Variants in CLIP1 observed in about 807,000 individuals in gnomAD.
The protein encoded by CLIP1 is CAP-Gly domain containing linker protein 1.
A neutral mutation model predicts 161.6 loss-of-function variants in CLIP1; 66 were observed. The ratio of observed to expected loss-of-function variants is 0.41; its 90% CI spans 0.33 to 0.50. The LOEUF is 0.50. Among genes scored for constraint, CLIP1 ranks in the 20% least tolerant of loss-of-function variants. CLIP1 has a pLI of 0.27. For synonymous variants in CLIP1, 598 were observed against 626.2 expected, an observed-to-expected ratio of 0.96 and a Z score of 0.67; for missense variants, 1,376 against 1,702.0, an observed-to-expected ratio of 0.81 and a Z score of 3.37.
At position 122,362,639 on chromosome 12, in the gene CLIP1, C is replaced by CAAAAA. The variant is rs56183812; in HGVS notation, c.782+1339_782+1343dup. 3.1e-4 allele frequency among the ~76,000 whole-genome samples: 6 copies of CAAAAA among 19,130 alleles called. 1 individual carries two copies. The highest frequency in any genetic ancestry group is 1.6e-3 in the African/African-American group (6 of 3,846). 12.6% of individuals were successfully genotyped at this position (19,130 alleles called of 152,430 possible). On this transcript the variant is annotated intron_variant, in intron 4 of 25. Transcript: ENST00000620786. ...CTGGCAACAGAGCAAGACTCCATCT[C>CAAAAA]AAAAAAAAAAAAAAAAAAAAAAAAA...
chr12:122,335,458 G>C (rs1283690976), intron 12 of CLIP1, among the ~76,000 whole-genome samples: 1 of 151,884 alleles, frequency 6.6e-6, no homozygotes, highest in Admixed American at 6.6e-5. Context: ...AAAAGGCAAG[G>C]CATCCTAAAA....
At chr12:122,408,380 A>G (rs2137141515) in intron 1 of CLIP1, among the ~76,000 whole-genome samples, 1 of 151,822 alleles carries the variant, frequency 6.6e-6, no homozygotes, top group South Asian at 2.1e-4. Context: ...ATGGAGTCTC[A>G]CTCTGTCGCC....
chr12:122,364,497 G>C (rs1041946477), intron 3 of CLIP1, among the ~76,000 whole-genome samples: 1 of 151,250 alleles, frequency 6.6e-6, no homozygotes, highest in Non-Finnish European at 1.5e-5. Flanking sequence ...TTGACCTCCC[G>C]GGCTAGGGGA....
intron 21 of CLIP1, among the ~76,000 whole-genome samples, chr12:122,287,542 C>T (rs1955908727): frequency 6.6e-6 from 1 of 152,138 alleles, no homozygotes; most frequent in African/African-American, 2.4e-5. Context: ...CTGTGGTTCT[C>T]GGCAGTAGCA....
chr12:122,285,325 C>G (rs1955806797), intron 21 of CLIP1, among the ~76,000 whole-genome samples: 1 of 151,068 alleles, frequency 6.6e-6, no homozygotes, highest in African/African-American at 2.4e-5. Context: ...CTCCCGGGTT[C>G]AGGCAATTCT....
At chr12:122,387,571 TATATATATATA>T (rs1955358054) in intron 1 of CLIP1, among the ~76,000 whole-genome samples, 2 of 4,174 alleles carry the variant, frequency 4.8e-4, no homozygotes, top group African/African-American at 8.1e-4. Context: ...TATATATATA[TATATATATATA>T]TATATATATT....
At chr12:122,372,672 G>A (rs1954515090) in intron 3 of CLIP1, among the ~76,000 whole-genome samples, 1 of 151,830 alleles carries the variant, frequency 6.6e-6, no homozygotes, top group African/African-American at 2.4e-5. Context: ...ATTAAGCTAA[G>A]TAAAATCCAT....
intron 19 of CLIP1, among the ~76,000 whole-genome samples, 174 bp from the exon 20 acceptor site, chr12:122,310,056 C>A (rs1174581130): frequency 2.0e-5 from 3 of 152,152 alleles, no homozygotes; most frequent in African/African-American, 4.8e-5. Flanking sequence ...TGGCCATAAC[C>A]TCCCAAAAGG....
intron 20 of CLIP1, among the ~76,000 whole-genome samples, chr12:122,293,002 C>CAAAAAA (rs57326141): frequency 1.6e-4 from 7 of 43,568 alleles, no homozygotes; most frequent in East Asian, 1.0e-3. Context: ...GACTCTGTCT[C>CAAAAAA]AAAAAAAAAA....
At chr12:122,346,968 T>C (rs191767341) in intron 10 of CLIP1, among the ~76,000 whole-genome samples, 11 of 152,272 alleles carry the variant, frequency 7.2e-5, no homozygotes, top group African/African-American at 2.6e-4. Context: ...GGAAGAGAGC[T>C]AAAGTAAAAC....
rs1390741254 is a variant in CLIP1, at chr12:122,397,669, ACTTATCGGCCACGCATGGTGG to A, written c.-106-17132_-106-17112del. On this transcript the variant is annotated intron_variant, in intron 1 of 25. Transcript: ENST00000620786. ...TAAACTTTTCCAAAACTGAAAATCA[ACTTATCGGCCACGCATGGTGG>A]CTCACACCTATAATCCCAGCACTTT... is the stretch of plus-strand genomic sequence containing the variant. 1.6e-4 allele frequency among the ~76,000 whole-genome samples: 24 copies of A among 151,836 alleles called. No individual in the cohort carries two copies. In the South Asian group the frequency reaches 4.6e-3, roughly 29 times the overall value.
intron 1 of CLIP1, among the ~76,000 whole-genome samples, chr12:122,406,925 T>C (rs1156625781): frequency 1.4e-5 from 2 of 147,344 alleles, no homozygotes; most frequent in Non-Finnish European, 3.0e-5. Flanking sequence ...TGTTCCTCCA[T>C]CTGCAAAAAA....
In CLIP1 at chr12:122,354,964, T is replaced by G. The variant is rs763752559; in HGVS notation, c.1203+151A>C. 3 of 688,910 alleles carry G rather than the reference T, an allele frequency of 4.4e-6. No homozygotes were observed. The African/African-American group carries it at 5.4e-5, about 12-fold the overall frequency. The allele number at this position is 688,910 out of a possible 1,614,324, so 42.7% of individuals were successfully genotyped here. On this transcript the variant is annotated intron_variant, in intron 6 of 25. Transcript: ENST00000620786. ...GATCATGGAAACTGGCACCCCAGAC[T>G]GTAGCTTTCAAACAAGCACAGCAAA...
chr12:122,274,197 A>G, intron 24 of CLIP1, 35 bp from the exon 25 acceptor site: 1 of 1,541,916 alleles, frequency 6.5e-7, no homozygotes, highest in Non-Finnish European at 8.9e-7. Context: ...TAAAATGTCA[A>G]GAATATATAT....
chr12:122,389,119 C>G (rs1394055231), intron 1 of CLIP1, among the ~76,000 whole-genome samples: 1 of 152,144 alleles, frequency 6.6e-6, no homozygotes, highest in East Asian at 1.9e-4. Context: ...TCATCTGCCC[C>G]ACAAAACTTA....
chr12:122,296,616 A>G (rs1204415295), intron 20 of CLIP1, among the ~76,000 whole-genome samples: 1 of 152,126 alleles, frequency 6.6e-6, no homozygotes, highest in East Asian at 1.9e-4. Context: ...TAACATTACA[A>G]TTTAAAATAA....
chr12:122,358,879 G>A (rs1221037170), intron 5 of CLIP1, among the ~76,000 whole-genome samples: 2 of 152,102 alleles, frequency 1.3e-5, no homozygotes, highest in Non-Finnish European at 2.9e-5. Context: ...TGGCCAACAT[G>A]GTGAAACCTC....
chr12:122,273,524 T>C (rs2136181377), intron 25 of CLIP1, among the ~76,000 whole-genome samples: 1 of 152,224 alleles, frequency 6.6e-6, no homozygotes, highest in African/African-American at 2.4e-5. Flanking sequence ...GTGCTGGGAT[T>C]ACAGTCGTGG....
chr12:122,289,868 G>A (rs945217148), intron 20 of CLIP1, among the ~76,000 whole-genome samples: 1 of 151,100 alleles, frequency 6.6e-6, no homozygotes, highest in Non-Finnish European at 1.5e-5. Flanking sequence ...GAGTGCAGTG[G>A]TGCAATCTCG....
Sources: gnomAD v4.1 joint callset for allele counts (sites outside exome capture counted in the v4.1 genomes callset) on GRCh38, gnomAD v4.1.1 for gene constraint, MANE v1.5 for transcripts, NCBI Gene and HGNC (gene_info 2026-07-23, HGNC 2026-07-21) for gene names.